The following CELF4 variants were observed in gnomAD, a reference collection of about 807,000 sequenced individuals.
CELF4 encodes the protein CUG-BP- and ETR-3-like factor 4.
A neutral mutation model predicts 59.9 loss-of-function variants in CELF4; 18 were observed. The observed-to-expected ratio is 0.30, with a 90% CI of 0.21 to 0.45. CELF4 has a LOEUF of 0.45. Among genes scored for constraint, CELF4 ranks in the 20% least tolerant of loss-of-function variants. CELF4 has a pLI of 1.00. For synonymous variants in CELF4, 261 were observed against 267.1 expected (o/e 0.98, Z 0.22); for missense variants, 456 against 689.0 (o/e 0.66, Z 3.79).
Position 37,557,646 on chromosome 18 carries a change from C to G in CELF4, c.286+7710G>C, listed in dbSNP as rs1365179957. ...CATTGCAATAAAGTAACATCGCGGT[C>G]AGTTTATGCGTTGTCCAGAGCCGGC... On this transcript the variant is annotated intron_variant, in intron 1 of 12. Coordinates refer to ENST00000420428, the MANE Select transcript of CELF4 (RefSeq NM_020180.4). Among the ~76,000 whole-genome samples, 2 of 152,180 alleles carry G rather than the reference C, an allele frequency of 1.3e-5. 1 individual carries two copies. The highest frequency in any genetic ancestry group is 2.9e-5 in the Non-Finnish European group (2 of 68,040).
chr18:37,514,675 C>G (rs1403336630), intron 1 of CELF4, among the ~76,000 whole-genome samples: 1 of 152,094 alleles, frequency 6.6e-6, no homozygotes, highest in Non-Finnish European at 1.5e-5. Flanking sequence ...ATTTTAAAAA[C>G]CTTCCGGTGA....
intron 3 of CELF4, among the ~76,000 whole-genome samples, chr18:37,288,849 A>C (rs1320629824): frequency 1.3e-5 from 2 of 152,182 alleles, no homozygotes; most frequent in African/African-American, 4.8e-5. Context: ...ACAACAGAGG[A>C]GCCTGTTCTC....
chr18:37,281,408 C>T (rs74720651), intron 3 of CELF4, among the ~76,000 whole-genome samples: 2,864 of 152,280 alleles, frequency 0.019, 96 homozygotes, highest in African/African-American at 0.066. Flanking sequence ...GCACTGTGGG[C>T]GAGTGTTCAG....
chr18:37,353,998 G>A (rs942476532), intron 2 of CELF4, among the ~76,000 whole-genome samples: 3 of 152,050 alleles, frequency 2.0e-5, no homozygotes, highest in African/African-American at 4.8e-5. Context: ...TTCGTGATCT[G>A]CCCGCCTCGG....
At chr18:37,287,101 C>T (rs930824271) in intron 3 of CELF4, among the ~76,000 whole-genome samples, 2 of 152,086 alleles carry the variant, frequency 1.3e-5, no homozygotes, top group African/African-American at 2.4e-5. Context: ...CTGGAGGCTT[C>T]GACAAGCCAG....
chr18:37,390,985 C>T (rs1331627177), intron 2 of CELF4, among the ~76,000 whole-genome samples: 2 of 152,152 alleles, frequency 1.3e-5, no homozygotes, highest in Non-Finnish European at 2.9e-5. Context: ...CCTCCTGTCC[C>T]CGTCCTTGTA....
chr18:37,461,064 C>T lies in CELF4; in HGVS notation c.369+24461G>A, dbSNP rs115956438. Reference sequence around the variant, plus strand: ...GTCCATTTCACTCAACAGCTCTTCCCTGCTGTCTATTGCATGCCTGCGGTA... The same window carrying T: ...GTCCATTTCACTCAACAGCTCTTCCTTGCTGTCTATTGCATGCCTGCGGTA... On this transcript the variant is annotated intron_variant, in intron 2 of 12. Coordinates refer to ENST00000420428, the MANE Select transcript of CELF4 (RefSeq NM_020180.4). Among the ~76,000 whole-genome samples the T allele has an allele frequency of 9.4e-3, 1,431 of 152,332 alleles. 27 individuals carry two copies. The highest frequency in any genetic ancestry group is 0.033 in the African/African-American group (1,362 of 41,556).
At chr18:37,542,644 C>T (rs1406159577) in intron 1 of CELF4, among the ~76,000 whole-genome samples, 1 of 152,172 alleles carries the variant, frequency 6.6e-6, no homozygotes, top group Admixed American at 6.5e-5. Flanking sequence ...TGAGATAGCA[C>T]ATTAGAGCAC....
intron 2 of CELF4, among the ~76,000 whole-genome samples, chr18:37,323,608 GC>G (rs1332795186): frequency 3.9e-5 from 6 of 152,180 alleles, no homozygotes; most frequent in Non-Finnish European, 8.8e-5. Context: ...TTCCTAGGCT[GC>G]CATGTCCTCC....
chr18:37,312,336 G>T (rs1028761059), intron 3 of CELF4, among the ~76,000 whole-genome samples: 10 of 152,064 alleles, frequency 6.6e-5, no homozygotes, highest in Admixed American at 6.5e-4. Flanking sequence ...TGCTAATCTG[G>T]CCAGTTGCTA....
chr18:37,402,299 A>G (rs1381654034), intron 2 of CELF4, among the ~76,000 whole-genome samples: 1 of 152,202 alleles, frequency 6.6e-6, no homozygotes, highest in Non-Finnish European at 1.5e-5. Flanking sequence ...GGTTGCCCAC[A>G]TGGGAGAAGA....
At chr18:37,328,824 G>C (rs2097427263) in intron 2 of CELF4, among the ~76,000 whole-genome samples, 1 of 152,154 alleles carries the variant, frequency 6.6e-6, no homozygotes, top group South Asian at 2.1e-4. Context: ...CCGCACGCTA[G>C]AGCTCACTGT....
At chr18:37,507,073 C>T (rs2099938929) in intron 1 of CELF4, among the ~76,000 whole-genome samples, 1 of 152,168 alleles carries the variant, frequency 6.6e-6, no homozygotes, top group Non-Finnish European at 1.5e-5. Flanking sequence ...GGGTGTGACC[C>T]AGGGCTCTCT....
At chr18:37,249,174 C>T (rs2063883664) in intron 12 of CELF4, among the ~76,000 whole-genome samples, 1 of 152,148 alleles carries the variant, frequency 6.6e-6, no homozygotes, top group South Asian at 2.1e-4. Context: ...CCATGCCCAC[C>T]AAGTCCTGAA....
At chr18:37,357,285 TAG>T (rs1430632047) in intron 2 of CELF4, among the ~76,000 whole-genome samples, 2 of 152,302 alleles carry the variant, frequency 1.3e-5, no homozygotes, top group African/African-American at 4.8e-5. Flanking sequence ...CCCTGCATCC[TAG>T]CTGCTCCAGC....
chr18:37,272,894 C>A, intron 7 of CELF4, 122 bp downstream of exon 7: 1 of 970,494 alleles, frequency 1.0e-6, no homozygotes, highest in South Asian at 1.7e-5. Context: ...CAAGTCCTCT[C>A]GGGCCCAGAC....
rs370910834 is a variant in CELF4 at position 37,520,568 on chromosome 18, T to C, written c.287-34961A>G. ...GGTGTTTTTCCTGATTGTGGGAGGG[T>C]GGGTAGGGGGATAACAGGGCCTGAG... On this transcript the variant is annotated intron_variant, in intron 1 of 12. Transcript: ENST00000420428. Among the ~76,000 whole-genome samples, 21 of 113,744 alleles carry C rather than the reference T, an allele frequency of 1.8e-4. No individual in the cohort carries two copies. In the East Asian group the frequency reaches 4.8e-3, roughly 26 times the overall value. The allele number at this position is 113,744 out of a possible 152,430, so 74.6% of individuals were successfully genotyped here.
At chr18:37,439,439 G>C (rs183714040) in intron 2 of CELF4, among the ~76,000 whole-genome samples, 1 of 152,146 alleles carries the variant, frequency 6.6e-6, no homozygotes, top group Admixed American at 6.5e-5. Flanking sequence ...GCATGTGTGC[G>C]TCTGAAATAC....
chr18:37,402,523 A>G (rs1023291257), intron 2 of CELF4, among the ~76,000 whole-genome samples: 2 of 151,914 alleles, frequency 1.3e-5, no homozygotes, highest in African/African-American at 4.8e-5. Context: ...CCCCTTCTCA[A>G]TCCTTCTAGC....
Sources: gnomAD v4.1 joint callset for allele counts (sites outside exome capture counted in the v4.1 genomes callset) on GRCh38, gnomAD v4.1.1 for gene constraint, MANE v1.5 for transcripts, NCBI Gene and HGNC (gene_info 2026-07-23, HGNC 2026-07-21) for gene names.